The following RAI14 variants were observed in gnomAD, a reference collection of about 807,000 sequenced individuals.
RAI14 encodes ankycorbin.
Under a neutral mutation model 115.4 loss-of-function variants are expected in RAI14, and 45 were observed. That is an observed-to-expected ratio of 0.39 (90% CI 0.31 to 0.50). RAI14 has a LOEUF of 0.50. Ranked by LOEUF, RAI14 falls within the 20% of genes least tolerant of loss-of-function variation. RAI14 has a pLI of 0.85. For missense variants in RAI14, 939 were observed against 1,131.2 expected (o/e 0.83, Z 2.44); for synonymous variants, 371 against 415.4 (o/e 0.89, Z 1.30).
chr5:34,768,755 G>A (rs1464198366), intron 3 of RAI14, among the ~76,000 whole-genome samples: 1 of 152,136 alleles, frequency 6.6e-6, no homozygotes, highest in African/African-American at 2.4e-5. Context: ...TTGGGAGGCC[G>A]AGACGGGCAG....
chr5:34,779,557 C>A (rs1033457919), intron 3 of RAI14, among the ~76,000 whole-genome samples: 2 of 151,954 alleles, frequency 1.3e-5, no homozygotes, highest in African/African-American at 4.8e-5. Context: ...GCAAAAATCA[C>A]AAGCATTCTT....
chr5:34,691,245 T>C (rs1306481048), intron 2 of RAI14, among the ~76,000 whole-genome samples: 1 of 152,120 alleles, frequency 6.6e-6, no homozygotes, highest in East Asian at 1.9e-4. Flanking sequence ...TAGAAAATAG[T>C]AATATTAATA....
chr5:34,688,625 G>A (rs1404155448), intron 2 of RAI14, among the ~76,000 whole-genome samples: 1 of 152,198 alleles, frequency 6.6e-6, no homozygotes, highest in Non-Finnish European at 1.5e-5. Flanking sequence ...GCTAAGAGAA[G>A]AAATGTTGAG....
intron 3 of RAI14, among the ~76,000 whole-genome samples, chr5:34,794,355 G>A (rs1248239980): frequency 5.9e-5 from 9 of 152,046 alleles, no homozygotes; most frequent in South Asian, 4.2e-4. Flanking sequence ...CCTGAGAGGC[G>A]GAGGTTGCAG....
chr5:34,776,244 A>G (rs1230228201), intron 3 of RAI14, among the ~76,000 whole-genome samples: 1 of 152,292 alleles, frequency 6.6e-6, no homozygotes, highest in East Asian at 1.9e-4. Context: ...GAGCAGAATG[A>G]TGGTTACCAC....
intron 16 of RAI14, among the ~76,000 whole-genome samples, chr5:34,828,521 G>GTGTGTGTGTCACACATCATA (rs11273829): frequency 2.4e-4 from 37 of 151,626 alleles, no homozygotes; most frequent in South Asian, 2.1e-4. Flanking sequence ...CTTATGATGT[G>GTGTGTGTGTCACACATCATA]AACTTAAAGG....
At chr5:34,769,881 A>C (rs67502948) in intron 3 of RAI14, among the ~76,000 whole-genome samples, 47,440 of 151,940 alleles carry the variant, frequency 0.31, 7,952 homozygotes, top group Middle Eastern at 0.41. Flanking sequence ...CATGTGCCAC[A>C]ATACTTAGCT....
intron 3 of RAI14, among the ~76,000 whole-genome samples, chr5:34,787,009 C>T (rs1752378102): frequency 6.6e-6 from 1 of 152,206 alleles, no homozygotes; most frequent in Admixed American, 6.5e-5. Context: ...AGGAACATGT[C>T]CTTAAGTGCA....
At position 34,708,893 on chromosome 5, in the gene RAI14, A is replaced by G. The variant is rs114324725; in HGVS notation, c.36+21938A>G. Among the ~76,000 whole-genome samples the G allele has an allele frequency of 7.1e-3, 1,081 of 152,222 alleles. 17 individuals are homozygous for G. The highest frequency in any genetic ancestry group is 0.024 in the African/African-American group (1,011 of 41,536). On this transcript the variant is annotated intron_variant, in intron 2 of 17. Transcript: ENST00000265109. The stretch of plus-strand genomic sequence containing the variant: ...CATGGTGGCTGATGCCTGTAATCCC[A>G]TATCTTTGGGAGGCTAAAGTGGGAG...
intron 2 of RAI14, among the ~76,000 whole-genome samples, chr5:34,744,164 C>A (rs1448836095): frequency 6.6e-6 from 1 of 152,212 alleles, no homozygotes; most frequent in Admixed American, 6.5e-5. Context: ...CCAGACCTGT[C>A]TCCAAGTGTC....
intron 2 of RAI14, among the ~76,000 whole-genome samples, chr5:34,687,220 A>G (rs1488160889): frequency 6.6e-6 from 1 of 152,174 alleles, no homozygotes; most frequent in Non-Finnish European, 1.5e-5. Flanking sequence ...CCGTCACATT[A>G]AACATCTTCA....
chr5:34,707,961 T>C (rs911945594), intron 2 of RAI14, among the ~76,000 whole-genome samples: 1 of 152,116 alleles, frequency 6.6e-6, no homozygotes, highest in Non-Finnish European at 1.5e-5. Flanking sequence ...GGAATGTTGA[T>C]ACAGGGGCGG....
intron 1 of RAI14, among the ~76,000 whole-genome samples, chr5:34,670,862 T>A (rs147534898): frequency 6.6e-6 from 1 of 152,354 alleles, no homozygotes; most frequent in Non-Finnish European, 1.5e-5. Context: ...TCAACCGTAA[T>A]CTAGACACAG....
chr5:34,742,940 G>A (rs1052238267), intron 2 of RAI14, among the ~76,000 whole-genome samples: 1 of 152,176 alleles, frequency 6.6e-6, no homozygotes, highest in African/African-American at 2.4e-5. Flanking sequence ...GGGATTACAG[G>A]CATGAGCCAC....
At chr5:34,749,837 T>G (rs1345094193) in intron 2 of RAI14, among the ~76,000 whole-genome samples, 1 of 152,222 alleles carries the variant, frequency 6.6e-6, no homozygotes. Context: ...GTTGAAATCG[T>G]GTCTGTTTAA....
chr5:34,818,710 G>A (rs920572005), intron 12 of RAI14, 87 bp from the exon 13 acceptor site: 37 of 1,123,938 alleles, frequency 3.3e-5, no homozygotes, highest in Middle Eastern at 2.4e-4. Flanking sequence ...TCTGCTCTGC[G>A]TAAGCTCAAG....
intron 2 of RAI14, among the ~76,000 whole-genome samples, chr5:34,749,089 ATG>A (rs1746673320): frequency 6.6e-6 from 1 of 152,158 alleles, no homozygotes; most frequent in African/African-American, 2.4e-5. Flanking sequence ...TTCCTGGACA[ATG>A]TGAATCTGAA....
At chr5:34,747,000 A>G (rs566040967) in intron 2 of RAI14, among the ~76,000 whole-genome samples, 2 of 152,290 alleles carry the variant, frequency 1.3e-5, no homozygotes, top group East Asian at 1.9e-4. Context: ...CCATGTAAGA[A>G]GTGCCTTTTG....
chr5:34,825,723 C>T (rs1231713637), intron 15 of RAI14, among the ~76,000 whole-genome samples: 1 of 151,694 alleles, frequency 6.6e-6, no homozygotes, highest in Admixed American at 6.6e-5. Flanking sequence ...ACGCCTCAAT[C>T]GGCTCTGCAT....
Sources: allele counts gnomAD v4.1 joint callset (sites outside exome capture counted in the v4.1 genomes callset), GRCh38; gene constraint gnomAD v4.1.1; transcripts MANE v1.5; gene names NCBI Gene and HGNC (gene_info 2026-07-23, HGNC 2026-07-21).